RSPO2: variants seen among roughly 807,000 people sequenced by gnomAD.
RSPO2 encodes R-spondin 2.
Under a neutral mutation model 30.9 loss-of-function variants are expected in RSPO2, and 14 were observed. That is an observed-to-expected ratio of 0.45 (90% CI 0.30 to 0.71). The LOEUF is 0.71. RSPO2 is among the 30% of genes least tolerant of loss of function. The pLI is 0.08. For synonymous variants in RSPO2, 107 were observed against 96.4 expected (o/e 1.11, Z -0.64); for missense variants, 264 against 301.9 (o/e 0.87, Z 0.93).
intron 2 of RSPO2, among the ~76,000 whole-genome samples, chr8:108,026,727 A>G (rs552201253): frequency 5.8e-4 from 89 of 152,140 alleles, no homozygotes; most frequent in African/African-American, 2.0e-3. Context: ...TTAGCCAGGC[A>G]TGGTGGCAGA....
intron 2 of RSPO2, among the ~76,000 whole-genome samples, chr8:108,064,180 G>A (rs530038591): frequency 1.5e-4 from 23 of 152,136 alleles, no homozygotes; most frequent in Middle Eastern, 3.4e-3. Context: ...TTGACAAATC[G>A]GATCTAATTA....
At chr8:107,973,532 TCACACACA>T (rs4035018) in intron 3 of RSPO2, among the ~76,000 whole-genome samples, 3,799 of 149,508 alleles carry the variant, frequency 0.025, 165 homozygotes, top group African/African-American at 0.082. Flanking sequence ...AGACACACAC[TCACACACA>T]CACACACACA....
chr8:108,000,370 A>G (rs1248310084), intron 2 of RSPO2, among the ~76,000 whole-genome samples: 1 of 152,128 alleles, frequency 6.6e-6, no homozygotes, highest in African/African-American at 2.4e-5. Context: ...AACATTTCCC[A>G]CCCAAAACAT....
At chr8:107,950,747 A>T (rs545140446) in intron 5 of RSPO2, among the ~76,000 whole-genome samples, 2 of 123,902 alleles carry the variant, frequency 1.6e-5, no homozygotes, top group East Asian at 4.3e-4. Flanking sequence ...TAGGTTAATT[A>T]ATGGTAAAAA....
At chr8:108,020,450 C>T (rs1811024041) in intron 2 of RSPO2, among the ~76,000 whole-genome samples, 1 of 152,164 alleles carries the variant, frequency 6.6e-6, no homozygotes, top group South Asian at 2.1e-4. Context: ...TCCCTACTAC[C>T]TAAAGAACAA....
intron 5 of RSPO2, among the ~76,000 whole-genome samples, chr8:107,953,366 A>G (rs1476296153): frequency 2.6e-5 from 4 of 152,226 alleles, no homozygotes; most frequent in Non-Finnish European, 4.4e-5. Flanking sequence ...CAATGACTCT[A>G]AAGGAGAGTA....
intron 2 of RSPO2, among the ~76,000 whole-genome samples, chr8:108,059,092 C>T (rs1257640021): frequency 3.3e-5 from 5 of 151,614 alleles, no homozygotes; most frequent in Admixed American, 1.3e-4. Flanking sequence ...ATTTTTGCAA[C>T]CTACTCATCT....
chr8:107,915,956 G>A (rs748317583), intron 5 of RSPO2, among the ~76,000 whole-genome samples: 9 of 152,100 alleles, frequency 5.9e-5, no homozygotes, highest in Non-Finnish European at 1.2e-4. Context: ...CCTAGAAACT[G>A]CATGCTTTCC....
chr8:107,904,882 T>A (rs1811588750), intron 5 of RSPO2, among the ~76,000 whole-genome samples: 1 of 152,078 alleles, frequency 6.6e-6, no homozygotes, highest in South Asian at 2.1e-4. Context: ...CAAAGCCACA[T>A]TCTAACTAAT....
intron 2 of RSPO2, among the ~76,000 whole-genome samples, chr8:108,053,164 A>G (rs1187021823): frequency 2.6e-5 from 4 of 152,088 alleles, no homozygotes; most frequent in African/African-American, 7.2e-5. Context: ...CCACTCCACA[A>G]TCTGTCCTCA....
intron 2 of RSPO2, among the ~76,000 whole-genome samples, chr8:108,071,755 T>C (rs1395315814): frequency 1.3e-5 from 2 of 152,194 alleles, no homozygotes; most frequent in African/African-American, 4.8e-5. Context: ...CTGAAGAAAG[T>C]GAACCTCTAG....
Position 108,008,561 on chromosome 8 carries a change from A to G in RSPO2, c.95-19317T>C, listed in dbSNP as rs559046525. 4.1e-4 allele frequency among the ~76,000 whole-genome samples: 63 copies of G among 152,332 alleles called. No individual in the cohort carries two copies. The South Asian group carries it at 0.013, about 31-fold the overall frequency. ...AAACCACTGCAATCTCCTCACTGTG[A>G]ATTATTAATCATGAAATGGCATAAA... On this transcript the variant is annotated intron_variant, in intron 2 of 5. Transcript: ENST00000276659.
At chr8:108,041,926 T>C (rs1219943802) in intron 2 of RSPO2, among the ~76,000 whole-genome samples, 2 of 152,120 alleles carry the variant, frequency 1.3e-5, no homozygotes, top group East Asian at 3.8e-4. Context: ...TGGGTCCATT[T>C]AGAATCCTGG....
intron 2 of RSPO2, among the ~76,000 whole-genome samples, chr8:108,065,037 G>A (rs138578862): frequency 6.6e-6 from 1 of 151,938 alleles, no homozygotes; most frequent in South Asian, 2.1e-4. Context: ...GGGGAGAAGG[G>A]GGAGGGATAG....
intron 2 of RSPO2, chr8:108,081,967 TG>T (rs1813213420): frequency 2.0e-6 from 2 of 983,710 alleles, no homozygotes; most frequent in Non-Finnish European, 2.4e-6. Flanking sequence ...AGATCTATGT[TG>T]GCCTTTTTCT....
chr8:108,072,082 A>G (rs1353317349), intron 2 of RSPO2, among the ~76,000 whole-genome samples: 4 of 152,322 alleles, frequency 2.6e-5, no homozygotes, highest in South Asian at 2.1e-4. Flanking sequence ...GTCATAGGAT[A>G]TTAATCTCCT....
Position 107,989,195 on chromosome 8 carries a change from C to T in RSPO2, c.144G>A (p.Lys48=). The T allele has an allele frequency of 6.2e-7, 1 of 1,600,402 alleles. No individual in the cohort carries two copies. The highest frequency in any genetic ancestry group is 8.5e-7 in the Non-Finnish European group (1 of 1,175,950). ...PICKGCLSCS[K]DNGCSRCQQK... is the part of the protein sequence containing the mutation. ...GTTGACATCGGCTACACCCATTGTCCTTTGAACAAGACAAACAACCCTTGC... is the reference window on the plus strand; with the variant it reads ...GTTGACATCGGCTACACCCATTGTCTTTTGAACAAGACAAACAACCCTTGC... Residue 48 remains lysine, a synonymous_variant, in exon 3 of 6, where the codon AAG becomes AAA. Transcript: ENST00000276659.
At chr8:108,065,392 G>C (rs554380405) in intron 2 of RSPO2, among the ~76,000 whole-genome samples, 1 of 151,520 alleles carries the variant, frequency 6.6e-6, no homozygotes, top group East Asian at 1.9e-4. Context: ...TACGAGCCAC[G>C]TATTAAATAT....
intron 2 of RSPO2, among the ~76,000 whole-genome samples, chr8:108,056,969 A>C (rs529341539): frequency 1.4e-5 from 2 of 145,488 alleles, no homozygotes; most frequent in East Asian, 4.3e-4. Context: ...AGGCAGGAGA[A>C]TCTCTTGAAC....
Sources: gnomAD v4.1 joint callset for allele counts (sites outside exome capture counted in the v4.1 genomes callset) on GRCh38, gnomAD v4.1.1 for gene constraint, MANE v1.5 for transcripts, NCBI Gene and HGNC (gene_info 2026-07-23, HGNC 2026-07-21) for gene names.